The following WDR33 variants were observed in gnomAD, a reference collection of about 807,000 sequenced individuals.
WDR33 encodes the protein pre-mRNA 3' end processing protein WDR33.
WDR33 carries 47 observed loss-of-function variants against 164.9 expected under a neutral mutation model. That is an observed-to-expected ratio of 0.29 (90% CI 0.23 to 0.36). WDR33 has a LOEUF of 0.36. Among genes scored for constraint, WDR33 ranks in the 10% least tolerant of loss-of-function variants. The probability of loss-of-function intolerance (pLI) is 1.00; values close to 1 mark genes in which losing one functional copy is unlikely to be tolerated. For missense variants in WDR33, 1,137 were observed against 1,754.1 expected, an observed-to-expected ratio of 0.65 and a Z score of 6.28; for synonymous variants, 505 against 589.0, an observed-to-expected ratio of 0.86 and a Z score of 2.06.
intron 1 of WDR33, among the ~76,000 whole-genome samples, chr2:127,803,158 GA>G (rs576142653): frequency 6.6e-6 from 1 of 151,470 alleles, no homozygotes; most frequent in East Asian, 1.9e-4. Flanking sequence ...TATACGCTAA[GA>G]AAAAAAAGGA....
intron 7 of WDR33, among the ~76,000 whole-genome samples, chr2:127,743,824 G>A (rs996858079): frequency 6.6e-6 from 1 of 152,168 alleles, no homozygotes; most frequent in African/African-American, 2.4e-5. Context: ...TTGGTGGTGT[G>A]AATAACACTC....
intron 1 of WDR33, among the ~76,000 whole-genome samples, chr2:127,797,146 T>C (rs931745541): frequency 1.3e-5 from 2 of 152,014 alleles, no homozygotes; most frequent in South Asian, 2.1e-4. Context: ...GATTTTCCTA[T>C]TTTATACCTT....
chr2:127,786,741 A>G (rs1688588510), intron 1 of WDR33, among the ~76,000 whole-genome samples: 1 of 152,124 alleles, frequency 6.6e-6, no homozygotes, highest in Non-Finnish European at 1.5e-5. Flanking sequence ...TAACCTTGAT[A>G]AACTCAATTT....
chr2:127,793,947 C>A (rs1688931749), intron 1 of WDR33, among the ~76,000 whole-genome samples: 1 of 151,884 alleles, frequency 6.6e-6, no homozygotes, highest in Non-Finnish European at 1.5e-5. Flanking sequence ...CCAGCCTGGG[C>A]AAAATGGTGA....
At position 127,701,633 on chromosome 2, in the gene WDR33, C is replaced by G; in HGVS notation, c.*4690G>C. 2.3e-6 allele frequency: 3 copies of G among 1,320,200 alleles called. No individual in the cohort carries two copies. Among genetic ancestry groups the G allele is most frequent in the Non-Finnish European group, 2.9e-6 (3 of 1,038,830 alleles). 81.8% of individuals were successfully genotyped at this position (1,320,200 alleles called of 1,614,324 possible). ...TCGCCGCGGAGAAGGCGGAGGAGCC[C>G]GGGGACCGGCCGGCGGAGGAGTGGC... On this transcript the variant is annotated 3_prime_UTR_variant, in exon 22 of 22. Transcript: ENST00000322313.
intron 7 of WDR33, among the ~76,000 whole-genome samples, chr2:127,758,322 TA>T (rs1273370686): frequency 6.6e-6 from 1 of 152,194 alleles, no homozygotes; most frequent in African/African-American, 2.4e-5. Context: ...AGAGGCAGTT[TA>T]ACATAGTAGT....
At chr2:127,801,055 G>GGA in intron 1 of WDR33, among the ~76,000 whole-genome samples, 1 of 150,760 alleles carries the variant, frequency 6.6e-6, no homozygotes, top group Non-Finnish European at 1.5e-5. Context: ...TGGAGCCCAG[G>GGA]AGTTTGAGAC....
At chr2:127,725,738 T>TAATAA (rs1287323151) in intron 8 of WDR33, among the ~76,000 whole-genome samples, 25 of 14,628 alleles carry the variant, frequency 1.7e-3, no homozygotes, top group African/African-American at 7.5e-3. Context: ...TGTCTCAAAA[T>TAATAA]AATAATAATA....
At chr2:127,801,958 A>C (rs1434131772) in intron 1 of WDR33, among the ~76,000 whole-genome samples, 1 of 151,942 alleles carries the variant, frequency 6.6e-6, no homozygotes, top group Admixed American at 6.6e-5. Flanking sequence ...AGGCAGGCAG[A>C]TCACTTGAGG....
chr2:127,783,599 CT>C (rs35345585), intron 1 of WDR33, among the ~76,000 whole-genome samples: 173 of 84,382 alleles, frequency 2.1e-3, no homozygotes, highest in African/African-American at 2.7e-3. Flanking sequence ...TTCAGGACTC[CT>C]TTTTTTTTTT....
chr2:127,806,706 AAAG>A (rs543569363), intron 1 of WDR33, among the ~76,000 whole-genome samples: 1 of 152,030 alleles, frequency 6.6e-6, no homozygotes, highest in South Asian at 2.1e-4. Flanking sequence ...AAAAAAAAAA[AAAG>A]ATGATGCTAA....
At chr2:127,754,447 C>A (rs535585674) in intron 7 of WDR33, among the ~76,000 whole-genome samples, 71 of 152,308 alleles carry the variant, frequency 4.7e-4, no homozygotes, top group African/African-American at 1.7e-3. Context: ...AACACAGGGT[C>A]TCCCTCTGTC....
At chr2:127,759,515 ACT>A (rs1687616640) in intron 7 of WDR33, among the ~76,000 whole-genome samples, 1 of 151,834 alleles carries the variant, frequency 6.6e-6, no homozygotes, top group Admixed American at 6.6e-5. Flanking sequence ...ACATGGTGAA[ACT>A]CTGTCTCTAC....
At position 127,802,428 on chromosome 2, in the gene WDR33, T is replaced by C. The variant is rs539562815; in HGVS notation, c.-24+8584A>G. ...TTCAGAGTAGCTGGGATTACAGGCA[T>C]GTGCCACCACGCCTGGCTAATTTTT... On this transcript the variant is annotated intron_variant, in intron 1 of 21. Transcript: ENST00000322313. Among the ~76,000 whole-genome samples, 6 of 152,134 alleles carry C rather than the reference T, an allele frequency of 3.9e-5. No individual in the cohort carries two copies. In the East Asian group the frequency reaches 1.2e-3, roughly 30 times the overall value.
intron 1 of WDR33, among the ~76,000 whole-genome samples, chr2:127,809,260 G>C (rs988848421): frequency 1.3e-5 from 2 of 151,906 alleles, no homozygotes; most frequent in Non-Finnish European, 2.9e-5. Flanking sequence ...AATACCTTAA[G>C]TGCTTAGTAA....
chr2:127,764,170 A>G lies in WDR33; in HGVS notation c.626+658T>C. ...TGTGTAAAAATATACAACTCACTGA[A>G]AATATTTTAAACTCCACTTATTGTA... is the stretch of plus-strand genomic sequence containing the variant. On this transcript the variant is annotated intron_variant, in intron 6 of 21. Coordinates refer to ENST00000322313, the MANE Select transcript of WDR33 (RefSeq NM_018383.5). This position sits in a 1 kb window ranked among gnomAD's most constrained non-coding sequence, Gnocchi z 6.2. 1 of 1,017,558 alleles carries G rather than the reference A, an allele frequency of 9.8e-7. No homozygotes were observed. Among genetic ancestry groups the G allele is most frequent in the African/African-American group, 1.7e-5 (1 of 58,130 alleles). The allele number at this position is 1,017,558 out of a possible 1,614,324, so 63.0% of individuals were successfully genotyped here. A position where few individuals can be genotyped will look rare whatever the true frequency, so the allele number is the denominator to read the frequency against.
In WDR33 at chr2:127,718,982, G is replaced by A. The variant is rs564596191; in HGVS notation, c.2760+283C>T. Among the ~76,000 whole-genome samples the A allele has an allele frequency of 3.0e-4, 45 of 152,192 alleles. No individual in the cohort carries two copies. Among genetic ancestry groups the A allele is most frequent in the African/African-American group, 1.0e-3 (42 of 41,522 alleles). On this transcript the variant is annotated intron_variant, in intron 16 of 21. Transcript: ENST00000322313. The surrounding 1 kb of genome is among the most constrained non-coding windows in gnomAD (Gnocchi z 4.4). ...TGGAGCCCTGGGACAATTATCAGCT[G>A]TACTCAAATGAGAGTTGACCTTTTC...
At chr2:127,807,714 C>T (rs1689488841) in intron 1 of WDR33, among the ~76,000 whole-genome samples, 1 of 152,172 alleles carries the variant, frequency 6.6e-6, no homozygotes, top group African/African-American at 2.4e-5. Flanking sequence ...TAAACCAAGT[C>T]ATGAGGGGAA....
At chr2:127,751,752 G>A (rs1418491716) in intron 7 of WDR33, among the ~76,000 whole-genome samples, 2 of 152,020 alleles carry the variant, frequency 1.3e-5, no homozygotes, top group Non-Finnish European at 2.9e-5. Context: ...TGTACTATAC[G>A]ACCTCAAGAA....
Sources: gnomAD v4.1 joint callset for allele counts (sites outside exome capture counted in the v4.1 genomes callset) on GRCh38, gnomAD v4.1.1 for gene constraint, Gnocchi (gnomAD v3.1) non-coding constraint, MANE v1.5 for transcripts, NCBI Gene and HGNC (gene_info 2026-07-23, HGNC 2026-07-21) for gene names.